The following NALF1 variants were observed in gnomAD, a reference collection of about 807,000 sequenced individuals.
The protein encoded by NALF1 is family with sequence similarity 155 member A.
Under a neutral mutation model 48.4 loss-of-function variants are expected in NALF1, and 3 were observed. The observed-to-expected ratio is 0.06, with a 90% CI of 0.03 to 0.16. The LOEUF is 0.16. NALF1 is among the 10% of genes least tolerant of loss of function. The probability of loss-of-function intolerance (pLI) is 1.00; values close to 1 mark genes in which losing one functional copy is unlikely to be tolerated. For synonymous variants in NALF1, 262 were observed against 245.7 expected (o/e 1.07, Z -0.62); for missense variants, 526 against 571.5 (o/e 0.92, Z 0.81).
intron 1 of NALF1, among the ~76,000 whole-genome samples, chr13:107,716,646 A>G (rs2138523851): frequency 6.6e-6 from 1 of 152,328 alleles, no homozygotes; most frequent in East Asian, 1.9e-4. Flanking sequence ...TGTCCAGCTT[A>G]GCTGGAGACA....
chr13:107,457,684 C>T (rs1364226640), intron 1 of NALF1, among the ~76,000 whole-genome samples: 1 of 152,010 alleles, frequency 6.6e-6, no homozygotes, highest in Non-Finnish European at 1.5e-5. Context: ...CAATTGAAGA[C>T]AAACACATGG....
At chr13:107,787,579 C>T (rs1477123938) in intron 1 of NALF1, among the ~76,000 whole-genome samples, 4 of 152,180 alleles carry the variant, frequency 2.6e-5, no homozygotes, top group African/African-American at 9.7e-5. Context: ...GTGTCTTTTT[C>T]TGACTTTCAG....
intron 1 of NALF1, among the ~76,000 whole-genome samples, chr13:107,797,923 G>A (rs1566485794): frequency 6.6e-6 from 1 of 151,946 alleles, no homozygotes; most frequent in Non-Finnish European, 1.5e-5. Context: ...TAATATAAAT[G>A]GCCCAAGATG....
intron 1 of NALF1, among the ~76,000 whole-genome samples, chr13:107,366,602 C>A (rs1038051692): frequency 6.6e-6 from 1 of 152,104 alleles, no homozygotes; most frequent in African/African-American, 2.4e-5. Context: ...TAATTTGGAC[C>A]ACACTTTCAA....
In NALF1 at chr13:107,214,138, T is replaced by A. The variant is rs78911939; in HGVS notation, c.916-3383A>T. 8.4e-3 allele frequency among the ~76,000 whole-genome samples: 1,282 copies of A among 152,302 alleles called. 17 individuals are homozygous for A. Among genetic ancestry groups the A allele is most frequent in the African/African-American group, 0.03 (1,233 of 41,562 alleles). ...CTTGTCAAAACACGATGAGGAAGAT[T>A]CCTATGTTAGGAAGGTGAGAGAAGG... On this transcript the variant is annotated intron_variant, in intron 1 of 2. Transcript: ENST00000375915.
chr13:107,293,266 C>G (rs1881664596), intron 1 of NALF1, among the ~76,000 whole-genome samples: 1 of 152,054 alleles, frequency 6.6e-6, no homozygotes, highest in Non-Finnish European at 1.5e-5. Flanking sequence ...AGGTGTGAGC[C>G]ACCGCGCTCA....
At chr13:107,328,270 C>A in intron 1 of NALF1, among the ~76,000 whole-genome samples, 2 of 99,366 alleles carry the variant, frequency 2.0e-5, no homozygotes, top group South Asian at 3.1e-4. Context: ...TCATCTCCTG[C>A]AATACACACA....
At position 107,170,490 on chromosome 13, in the gene NALF1, C is replaced by G. The variant is rs747062985; in HGVS notation, c.*7G>C. 32 of 1,584,522 alleles carry G rather than the reference C, an allele frequency of 2.0e-5. No individual in the cohort carries two copies. The highest frequency in any genetic ancestry group is 2.5e-5 in the Non-Finnish European group (29 of 1,163,518). On this transcript the variant is annotated 3_prime_UTR_variant, in exon 3 of 3. Coordinates refer to ENST00000375915, the MANE Select transcript of NALF1 (RefSeq NM_001080396.3). ...CAGCTGCTGCTGTGGTGACACTCGT[C>G]CTTCCGTTACTCCTCATTGGTTGAG...
At chr13:107,788,886 T>A (rs1878151686) in intron 1 of NALF1, 1 of 152,050 alleles carries the variant, frequency 6.6e-6, no homozygotes, top group African/African-American at 2.4e-5. Context: ...CAACAATATA[T>A]GATAATTATT....
At chr13:107,424,200 C>T (rs769062235) in intron 1 of NALF1, among the ~76,000 whole-genome samples, 3 of 152,098 alleles carry the variant, frequency 2.0e-5, no homozygotes, top group East Asian at 1.9e-4. Flanking sequence ...TGCAGAGGTG[C>T]GATTTCAGTT....
chr13:107,237,426 C>T (rs1470945269), intron 1 of NALF1, among the ~76,000 whole-genome samples: 1 of 151,936 alleles, frequency 6.6e-6, no homozygotes, highest in Non-Finnish European at 1.5e-5. Flanking sequence ...TATAGCTGTC[C>T]CTTGGCATCC....
chr13:107,516,849 G>C (rs1876070080), intron 1 of NALF1, among the ~76,000 whole-genome samples: 1 of 152,164 alleles, frequency 6.6e-6, no homozygotes. Context: ...TTTGTGGTTT[G>C]TCAATTTGCA....
intron 1 of NALF1, among the ~76,000 whole-genome samples, chr13:107,453,448 A>G (rs1408370070): frequency 1.3e-5 from 2 of 152,226 alleles, no homozygotes; most frequent in Non-Finnish European, 2.9e-5. Flanking sequence ...CCTGAGTTGT[A>G]TCTTGGTCCC....
chr13:107,428,919 A>G (rs1344829864), intron 1 of NALF1, among the ~76,000 whole-genome samples: 2 of 152,208 alleles, frequency 1.3e-5, no homozygotes, highest in East Asian at 1.9e-4. Flanking sequence ...TCAAAGGTCA[A>G]TTCTTCAGTC....
At chr13:107,250,095 T>A (rs1880668001) in intron 1 of NALF1, among the ~76,000 whole-genome samples, 1 of 151,624 alleles carries the variant, frequency 6.6e-6, no homozygotes, top group South Asian at 2.1e-4. Context: ...ACTGGTGTTT[T>A]TTTTTTTCCC....
intron 1 of NALF1, among the ~76,000 whole-genome samples, chr13:107,763,567 T>C (rs532370239): frequency 6.6e-6 from 1 of 152,164 alleles, no homozygotes; most frequent in Admixed American, 6.5e-5. Flanking sequence ...CAAAAATTTT[T>C]CTTGAAGCTT....
intron 1 of NALF1, among the ~76,000 whole-genome samples, chr13:107,567,638 C>T (rs1421810665): frequency 6.6e-6 from 1 of 152,216 alleles, no homozygotes; most frequent in African/African-American, 2.4e-5. Flanking sequence ...CACATGCACT[C>T]TTCTGTACTT....
At chr13:107,689,152 C>A (rs1021120934) in intron 1 of NALF1, among the ~76,000 whole-genome samples, 1 of 152,114 alleles carries the variant, frequency 6.6e-6, no homozygotes, top group African/African-American at 2.4e-5. Flanking sequence ...GGAGTCACAG[C>A]GGTGCAAGAA....
At chr13:107,819,638 G>A (rs1484840332) in intron 1 of NALF1, among the ~76,000 whole-genome samples, 1 of 150,170 alleles carries the variant, frequency 6.7e-6, no homozygotes, top group Non-Finnish European at 1.5e-5. Context: ...ATTGTGCTCT[G>A]CCACTACATT....
Sources: allele counts gnomAD v4.1 joint callset (sites outside exome capture counted in the v4.1 genomes callset), GRCh38; gene constraint gnomAD v4.1.1; transcripts MANE v1.5; gene names NCBI Gene and HGNC (gene_info 2026-07-23, HGNC 2026-07-21).